LGSN: variants seen among roughly 807,000 people sequenced by gnomAD.
LGSN encodes lengsin.
In LGSN, 21 loss-of-function variants were observed where a neutral mutation model predicts 19.5. That is an observed-to-expected ratio of 1.07 (90% CI 0.76 to 1.55). The LOEUF (loss-of-function observed/expected upper bound fraction) is 1.55, where lower values mean the gene tolerates loss of function less well. Among genes scored for constraint, LGSN ranks in the 40% most tolerant of loss-of-function variants. The probability of loss-of-function intolerance (pLI) is 0.00; values close to 1 mark genes in which losing one functional copy is unlikely to be tolerated. For missense variants in LGSN, 673 were observed against 608.5 expected (o/e 1.11, Z -1.12); for synonymous variants, 257 against 215.6 (o/e 1.19, Z -1.68).
At chr6:63,281,304 A>AAT (rs1223943140) in intron 3 of LGSN, 84 bp from the exon 4 acceptor site, 4,592 of 135,632 alleles carry the variant, frequency 0.034, 149 homozygotes, top group African/African-American at 0.046. Context: ...TGCTAATGAA[A>AAT]ATATATATAT....
chr6:63,292,783 T>C (rs1169432796), intron 2 of LGSN, among the ~76,000 whole-genome samples: 1 of 152,236 alleles, frequency 6.6e-6, no homozygotes, highest in African/African-American at 2.4e-5. Flanking sequence ...TGTATCCTTT[T>C]AGTGTAATAA....
chr6:63,453,947 C>T, the LGSN span, among the ~76,000 whole-genome samples: 12 of 152,246 alleles, frequency 7.9e-5, no homozygotes, highest in South Asian at 6.2e-4. Flanking sequence ...TGAGCCACCG[C>T]GCCCGGCCGT....
chr6:63,387,831 C>G, the LGSN span, among the ~76,000 whole-genome samples: 3 of 151,880 alleles, frequency 2.0e-5, no homozygotes, highest in South Asian at 2.1e-4. Flanking sequence ...GATCTACAGG[C>G]ATACCACCAC....
At chr6:63,507,729 T>C in the LGSN span, among the ~76,000 whole-genome samples, 26 of 152,198 alleles carry the variant, frequency 1.7e-4, no homozygotes, top group African/African-American at 6.3e-4. Context: ...TAAATTTCCT[T>C]TATTTAGGTT....
At chr6:63,485,575 A>T in the LGSN span, among the ~76,000 whole-genome samples, 3 of 152,188 alleles carry the variant, frequency 2.0e-5, no homozygotes, top group African/African-American at 7.2e-5. Context: ...GCGCCAAATT[A>T]TATTTCTGGT....
At chr6:63,434,233 G>A in the LGSN span, among the ~76,000 whole-genome samples, 8 of 152,068 alleles carry the variant, frequency 5.3e-5, no homozygotes, top group Non-Finnish European at 8.8e-5. Flanking sequence ...GAGGTCAGGA[G>A]TCCGAGCCCA....
At chr6:63,518,767 A>G in the LGSN span, among the ~76,000 whole-genome samples, 1 of 152,380 alleles carries the variant, frequency 6.6e-6, no homozygotes, top group African/African-American at 2.4e-5. Flanking sequence ...TGCAATAATC[A>G]TAAATGTACC....
rs1240702759 is a variant in LGSN at position 63,276,687 on chromosome 6, G to A, written c.*3334C>T. On this transcript the variant is annotated 3_prime_UTR_variant, in exon 4 of 4. Coordinates refer to ENST00000370657, the MANE Select transcript of LGSN (RefSeq NM_016571.3). ...CAGATCCAAAACTCTTTCATTGTCT[G>A]CTCATCTTTGTTTTGGTCTCCCCTA... The A allele has an allele frequency of 6.6e-6, 1 of 152,090 alleles. No individual in the cohort carries two copies. Among genetic ancestry groups the A allele is most frequent in the Non-Finnish European group, 1.5e-5 (1 of 68,012 alleles). 9.4% of individuals were successfully genotyped at this position (152,090 alleles called of 1,614,324 possible). A position where few individuals can be genotyped will look rare whatever the true frequency, so the allele number is the denominator to read the frequency against.
the LGSN span, among the ~76,000 whole-genome samples, chr6:63,351,407 CTG>C: frequency 6.7e-6 from 1 of 148,952 alleles, no homozygotes; most frequent in African/African-American, 2.5e-5. Flanking sequence ...CTGTGTGTGT[CTG>C]TGTGTGTGAG....
chr6:63,354,355 G>T, the LGSN span, among the ~76,000 whole-genome samples: 1 of 151,978 alleles, frequency 6.6e-6, no homozygotes, highest in South Asian at 2.1e-4. Context: ...TTTCTTGGAC[G>T]AAGACACACA....
chr6:63,479,022 A>C, the LGSN span, among the ~76,000 whole-genome samples: 1 of 152,332 alleles, frequency 6.6e-6, no homozygotes, highest in East Asian at 1.9e-4. Flanking sequence ...AGAGCCAAGA[A>C]ACACTTTTCC....
At chr6:63,414,704 C>T in the LGSN span, among the ~76,000 whole-genome samples, 2 of 152,196 alleles carry the variant, frequency 1.3e-5, no homozygotes, top group African/African-American at 2.4e-5. Flanking sequence ...CACTTGAGCT[C>T]AGGAATTCAA....
At chr6:63,542,022 G>GGT in the LGSN span, among the ~76,000 whole-genome samples, 9,355 of 146,646 alleles carry the variant, frequency 0.064, 549 homozygotes, top group African/African-American at 0.16. Flanking sequence ...AAGAAACTGT[G>GGT]GTGTGTGTGT....
the LGSN span, chr6:63,570,898 T>C: frequency 1.3e-5 from 2 of 152,228 alleles, no homozygotes; most frequent in African/African-American, 4.8e-5. Flanking sequence ...ATATATGAAA[T>C]CTGTCCCTTT....
the LGSN span, among the ~76,000 whole-genome samples, chr6:63,507,002 T>A: frequency 6.6e-6 from 1 of 152,048 alleles, no homozygotes. Context: ...GGAGAGCCAA[T>A]ATGAGGATGC....
chr6:63,390,858 T>G, the LGSN span, among the ~76,000 whole-genome samples: 29 of 98,386 alleles, frequency 2.9e-4, no homozygotes, highest in Non-Finnish European at 5.2e-4. Context: ...AGACTCCATC[T>G]CAAAAAAAAA....
chr6:63,481,757 G>T, the LGSN span: 1 of 261,526 alleles, frequency 3.8e-6, no homozygotes, highest in East Asian at 1.0e-4. Flanking sequence ...GTGGGATACG[G>T]AATTTTAAAA....
chr6:63,346,294 A>G, the LGSN span, among the ~76,000 whole-genome samples: 1 of 151,952 alleles, frequency 6.6e-6, no homozygotes, highest in Non-Finnish European at 1.5e-5. Context: ...GGAACTTTTG[A>G]GCCCACCCCA....
chr6:63,521,640 G>A, the LGSN span: 6 of 152,278 alleles, frequency 3.9e-5, no homozygotes, highest in East Asian at 9.6e-4. Flanking sequence ...CTGTCCCCTT[G>A]AACTGTATAA....
Sources: allele counts gnomAD v4.1 joint callset (sites outside exome capture counted in the v4.1 genomes callset), GRCh38; gene constraint gnomAD v4.1.1; transcripts MANE v1.5; gene names NCBI Gene and HGNC (gene_info 2026-07-23, HGNC 2026-07-21).